Variants in RANBP2 observed in about 807,000 individuals in gnomAD.
RANBP2 encodes RAN binding protein 2.
In RANBP2, 57 loss-of-function variants were observed where a neutral mutation model predicts 303.6. That is an observed-to-expected ratio of 0.19 (90% CI 0.15 to 0.23). The LOEUF (loss-of-function observed/expected upper bound fraction) is 0.23. RANBP2 is among the 10% of genes least tolerant of loss of function. The probability of loss-of-function intolerance (pLI) is 1.00; values close to 1 mark genes in which losing one functional copy is unlikely to be tolerated. For missense variants in RANBP2, 3,138 were observed against 3,780.8 expected (o/e 0.83, Z 4.46); for synonymous variants, 1,167 against 1,301.5 (o/e 0.90, Z 2.23).
chr2:108,834,509 C>T, the RANBP2 span, among the ~76,000 whole-genome samples: 7 of 152,208 alleles, frequency 4.6e-5, no homozygotes, highest in African/African-American at 1.7e-4. Context: ...GCCACCATGC[C>T]TGGCCTGAAA....
the RANBP2 span, among the ~76,000 whole-genome samples, chr2:109,117,484 G>A: frequency 1.4e-3 from 215 of 152,328 alleles, 1 homozygote; most frequent in African/African-American, 5.1e-3. Flanking sequence ...TAAGCCCGTC[G>A]GAAAAGTGCA....
the RANBP2 span, among the ~76,000 whole-genome samples, chr2:109,288,108 C>A: frequency 6.6e-6 from 1 of 152,176 alleles, no homozygotes; most frequent in East Asian, 1.9e-4. Context: ...GTCTTGTTTG[C>A]CCACAAGACA....
At chr2:109,168,248 T>G in the RANBP2 span, among the ~76,000 whole-genome samples, 2 of 152,342 alleles carry the variant, frequency 1.3e-5, no homozygotes, top group East Asian at 3.9e-4. Flanking sequence ...AACTATACAT[T>G]TTCACCACCT....
chr2:108,986,101 A>G, the RANBP2 span, among the ~76,000 whole-genome samples: 1 of 152,176 alleles, frequency 6.6e-6, no homozygotes. Context: ...AATATGGTCA[A>G]GCTCATTTGT....
the RANBP2 span, among the ~76,000 whole-genome samples, chr2:109,282,516 G>T: frequency 2.0e-5 from 3 of 152,126 alleles, no homozygotes; most frequent in African/African-American, 7.2e-5. Context: ...CCTGCGGTGG[G>T]AGGACAGGGG....
In RANBP2 at chr2:108,719,533, T is replaced by A; in HGVS notation, c.-74T>A. 2 of 1,554,824 alleles carry A rather than the reference T, an allele frequency of 1.3e-6. No individual in the cohort carries two copies. The highest frequency in any genetic ancestry group is 1.7e-6 in the Non-Finnish European group (2 of 1,150,726). ...CTGCGTCACTGGTTTGCAGGCGCTTTCCTCTTGGAAGTGGCGACTGCTGCG... is the reference window on the plus strand; with the variant it reads ...CTGCGTCACTGGTTTGCAGGCGCTTACCTCTTGGAAGTGGCGACTGCTGCG... On this transcript the variant is annotated 5_prime_UTR_variant, in exon 1 of 29. Coordinates refer to ENST00000283195, the MANE Select transcript of RANBP2 (RefSeq NM_006267.5).
the RANBP2 span, among the ~76,000 whole-genome samples, chr2:109,211,621 G>T: frequency 6.6e-6 from 1 of 151,316 alleles, no homozygotes; most frequent in Non-Finnish European, 1.5e-5. Flanking sequence ...ATGCACATGA[G>T]CCCTTCGGCC....
the RANBP2 span, among the ~76,000 whole-genome samples, chr2:109,442,523 C>A: frequency 1.2e-4 from 18 of 152,084 alleles, no homozygotes; most frequent in Admixed American, 1.2e-3. Context: ...AAAGTGAAAG[C>A]AATCTAGTTT....
At chr2:109,369,877 G>T in the RANBP2 span, among the ~76,000 whole-genome samples, 1 of 152,194 alleles carries the variant, frequency 6.6e-6, no homozygotes. Flanking sequence ...CCCAAAAGAG[G>T]CCTGTAAGTC....
the RANBP2 span, among the ~76,000 whole-genome samples, chr2:109,676,391 C>G: frequency 6.6e-6 from 1 of 152,210 alleles, no homozygotes; most frequent in Non-Finnish European, 1.5e-5. Flanking sequence ...TGTAATTGTC[C>G]TGAATGCAGA....
the RANBP2 span, among the ~76,000 whole-genome samples, chr2:108,900,089 ATG>A: frequency 6.6e-6 from 1 of 152,238 alleles, no homozygotes; most frequent in Non-Finnish European, 1.5e-5. Context: ...TAAAATCAAA[ATG>A]TATCACTCAA....
chr2:109,274,506 A>G, the RANBP2 span, among the ~76,000 whole-genome samples: 1 of 152,222 alleles, frequency 6.6e-6, no homozygotes, highest in East Asian at 1.9e-4. Flanking sequence ...CCTCAAAAAC[A>G]TTATGCTCAA....
chr2:109,424,875 C>T, the RANBP2 span, among the ~76,000 whole-genome samples: 20 of 152,248 alleles, frequency 1.3e-4, no homozygotes, highest in African/African-American at 4.3e-4. Context: ...AAGCTAGAGT[C>T]GAACATCTCT....
At chr2:109,461,821 T>C in the RANBP2 span, among the ~76,000 whole-genome samples, 6 of 152,336 alleles carry the variant, frequency 3.9e-5, no homozygotes, top group East Asian at 1.2e-3. Flanking sequence ...AGCCTTTTTT[T>C]GTTCTAGGTC....
At chr2:109,498,913 TG>T in the RANBP2 span, among the ~76,000 whole-genome samples, 1 of 151,912 alleles carries the variant, frequency 6.6e-6, no homozygotes, top group East Asian at 1.9e-4. Flanking sequence ...AGCCCTGAGG[TG>T]GGTGCACCTG....
the RANBP2 span, among the ~76,000 whole-genome samples, chr2:109,730,825 G>A: frequency 1.0e-5 from 1 of 96,060 alleles, no homozygotes; most frequent in Non-Finnish European, 1.9e-5. Flanking sequence ...TTTCACTCTT[G>A]TTGCCCAGGC....
chr2:109,017,090 T>A, the RANBP2 span, among the ~76,000 whole-genome samples: 2 of 152,344 alleles, frequency 1.3e-5, no homozygotes, highest in South Asian at 4.1e-4. Context: ...TTCCTCAATG[T>A]TTTTCTATCT....
chr2:109,136,903 C>G, the RANBP2 span, among the ~76,000 whole-genome samples: 229 of 152,230 alleles, frequency 1.5e-3, no homozygotes, highest in Non-Finnish European at 2.4e-3. Flanking sequence ...ACCAGAGAAT[C>G]AGGGAGTTCG....
At chr2:109,520,494 GA>G in the RANBP2 span, among the ~76,000 whole-genome samples, 1 of 145,202 alleles carries the variant, frequency 6.9e-6, no homozygotes, top group South Asian at 2.2e-4. Context: ...CAGCTACTCA[GA>G]AGGTTGAGGC....
Sources: gnomAD v4.1 joint callset for allele counts (sites outside exome capture counted in the v4.1 genomes callset) on GRCh38, gnomAD v4.1.1 for gene constraint, MANE v1.5 for transcripts, NCBI Gene and HGNC (gene_info 2026-07-23, HGNC 2026-07-21) for gene names.